Variants in SYNCRIP observed in about 807,000 individuals in gnomAD.
SYNCRIP encodes the protein synaptotagmin binding cytoplasmic RNA interacting protein.
SYNCRIP carries 9 observed loss-of-function variants against 68.9 expected under a neutral mutation model. The ratio of observed to expected loss-of-function variants is 0.13; its 90% CI spans 0.08 to 0.23. SYNCRIP has a LOEUF of 0.23. SYNCRIP is among the 10% of genes least tolerant of loss of function. SYNCRIP has a pLI of 1.00. For missense variants in SYNCRIP, 414 were observed against 770.6 expected (o/e 0.54, Z 5.48); for synonymous variants, 258 against 254.0 (o/e 1.02, Z -0.15).
At chr6:85,615,585 T>A (rs565722361) in intron 10 of SYNCRIP, among the ~76,000 whole-genome samples, 4 of 152,356 alleles carry the variant, frequency 2.6e-5, no homozygotes, top group African/African-American at 9.6e-5. Context: ...ATTTATTTCT[T>A]CATGATCTTC....
At chr6:85,632,961 G>A (rs12212560) in intron 6 of SYNCRIP, among the ~76,000 whole-genome samples, 57,503 of 149,532 alleles carry the variant, frequency 0.38, 11,229 homozygotes, top group East Asian at 0.62. Flanking sequence ...AATTAAAACC[G>A]TTTACTTAAG....
At chr6:85,623,840 G>C in intron 7 of SYNCRIP, 137 bp downstream of exon 7, 1 of 1,048,428 alleles carries the variant, frequency 9.5e-7, no homozygotes, top group Middle Eastern at 2.5e-4. Flanking sequence ...GAAAAATGGG[G>C]TTACCTACAC....
At chr6:85,617,363 A>G (rs1583248329) in intron 10 of SYNCRIP, among the ~76,000 whole-genome samples, 1 of 152,196 alleles carries the variant, frequency 6.6e-6, no homozygotes. Context: ...CTCTAATCAC[A>G]TTATCTAATA....
rs749246145 is a variant in SYNCRIP at position 85,618,947 on chromosome 6, A to AC, written c.1159-9_1159-8insG. 5.0e-6 allele frequency: 8 copies of AC among 1,602,982 alleles called. 1 individual carries two copies. Among genetic ancestry groups the AC allele is most frequent in the Non-Finnish European group, 6.8e-6 (8 of 1,174,856 alleles). ...ATTCATTTCTTCCATAGCCTTAAAA[A>AC]ATTAGATAAGTCAATATAAAAATAG... On this transcript the variant is annotated splice_polypyrimidine_tract_variant and intron_variant, in intron 9 of 10. Transcript: ENST00000369622.
chr6:85,634,112 T>C (rs1345316697), intron 6 of SYNCRIP, among the ~76,000 whole-genome samples: 1 of 152,210 alleles, frequency 6.6e-6, no homozygotes, highest in Non-Finnish European at 1.5e-5. Flanking sequence ...TTCTCCATTA[T>C]ATTTAAAAAC....
chr6:85,607,938 T>C (rs1804962081), downstream of SYNCRIP: 1 of 152,080 alleles, frequency 6.6e-6, no homozygotes, highest in Non-Finnish European at 1.5e-5. Flanking sequence ...CTAAAAAGTC[T>C]TGTCCTGATG....
Position 85,614,021 on chromosome 6 carries a change from T to G in SYNCRIP, c.*735A>C. ...TTATTTTTGATGGGAACATGAAGTC[T>G]GTTGTAAAATAGCACTTTAAACCAG... On this transcript the variant is annotated 3_prime_UTR_variant, in exon 11 of 11. Coordinates refer to ENST00000369622, the MANE Select transcript of SYNCRIP (RefSeq NM_006372.5). The G allele has an allele frequency of 1.0e-6, 1 of 985,518 alleles. No homozygotes were observed. The highest frequency in any genetic ancestry group is 1.1e-4 in the East Asian group (1 of 8,822). 61.0% of individuals were successfully genotyped at this position (985,518 alleles called of 1,614,324 possible). A position where few individuals can be genotyped will look rare whatever the true frequency, so the allele number is the denominator to read the frequency against.
chr6:85,626,586 C>T (rs1807058622), intron 6 of SYNCRIP, among the ~76,000 whole-genome samples: 1 of 152,014 alleles, frequency 6.6e-6, no homozygotes, highest in South Asian at 2.1e-4. Flanking sequence ...AGAAAATACA[C>T]CATTGAGAGG....
intron 6 of SYNCRIP, among the ~76,000 whole-genome samples, chr6:85,635,792 A>G (rs1431213075): frequency 7.9e-5 from 12 of 151,286 alleles, no homozygotes; most frequent in African/African-American, 2.9e-4. Context: ...AAAAAAAAAA[A>G]AAAAAGAAAA....
At position 85,622,698 on chromosome 6, in the gene SYNCRIP, G is replaced by A; in HGVS notation, c.803-11C>T. On this transcript the variant is annotated splice_polypyrimidine_tract_variant and intron_variant, in intron 7 of 10. Coordinates refer to ENST00000369622, the MANE Select transcript of SYNCRIP (RefSeq NM_006372.5). ...CGTCTGTAAGACCCTCTGCAAGTAA[G>A]CAACCATTCCAGGAAAATTAGATGA... The A allele has an allele frequency of 6.2e-7, 1 of 1,610,256 alleles. No homozygotes were observed. The highest frequency in any genetic ancestry group is 8.5e-7 in the Non-Finnish European group (1 of 1,177,000).
intron 9 of SYNCRIP, 61 bp from the exon 10 acceptor site, chr6:85,619,000 A>C: frequency 6.7e-7 from 1 of 1,500,640 alleles, no homozygotes; most frequent in Non-Finnish European, 9.1e-7. Flanking sequence ...GATTCATTTA[A>C]AGTTGGAATA....
intron 6 of SYNCRIP, among the ~76,000 whole-genome samples, chr6:85,633,105 A>G (rs1175227297): frequency 6.6e-6 from 1 of 151,456 alleles, no homozygotes; most frequent in African/African-American, 2.4e-5. Flanking sequence ...ATACAAAAAA[A>G]ATTAGCTGGG....
chr6:85,608,899 A>C (rs1193088987), exon 12 of SYNCRIP: 1 of 152,016 alleles, frequency 6.6e-6, no homozygotes, highest in Non-Finnish European at 1.5e-5. Context: ...GACAGACCCC[A>C]AAAGTCCATC....
chr6:85,620,733 T>A (rs1255600733), intron 8 of SYNCRIP, among the ~76,000 whole-genome samples: 2 of 152,210 alleles, frequency 1.3e-5, no homozygotes, highest in African/African-American at 4.8e-5. Flanking sequence ...GCTGTGCCTG[T>A]GTAGGGGGCA....
At chr6:85,623,286 A>C (rs911037311) in intron 7 of SYNCRIP, among the ~76,000 whole-genome samples, 2 of 152,084 alleles carry the variant, frequency 1.3e-5, no homozygotes, top group African/African-American at 4.8e-5. Context: ...TTTATGGGCC[A>C]GGCACGGTGG....
chr6:85,641,155 A>G (rs1179389388), intron 2 of SYNCRIP, 137 bp downstream of exon 2: 1 of 681,000 alleles, frequency 1.5e-6, no homozygotes, highest in Non-Finnish European at 2.5e-6. Context: ...TTCAAACTTA[A>G]ATTAACCAAC....
At chr6:85,630,865 C>T (rs1379560566) in intron 6 of SYNCRIP, among the ~76,000 whole-genome samples, 1 of 152,080 alleles carries the variant, frequency 6.6e-6, no homozygotes. Context: ...TTTACAAAGT[C>T]AAAAAATAAT....
chr6:85,609,307 GACA>G (rs893762051), downstream of SYNCRIP: 1 of 151,866 alleles, frequency 6.6e-6, no homozygotes. Flanking sequence ...TGCTGTTTCT[GACA>G]ACTTTTGGCT....
downstream of SYNCRIP, chr6:85,612,779 A>G (rs1805344698): frequency 7.9e-7 from 1 of 1,263,318 alleles, no homozygotes; most frequent in African/African-American, 1.5e-5. Context: ...GTCTTCTGCA[A>G]TAGAATATGC....
Sources: allele counts gnomAD v4.1 joint callset (sites outside exome capture counted in the v4.1 genomes callset), GRCh38; gene constraint gnomAD v4.1.1; transcripts MANE v1.5; gene names NCBI Gene and HGNC (gene_info 2026-07-23, HGNC 2026-07-21).